Variants in ZCCHC14 observed in about 807,000 individuals in gnomAD.
ZCCHC14 encodes the protein zinc finger CCHC domain-containing protein 14.
A neutral mutation model predicts 85.0 loss-of-function variants in ZCCHC14; 16 were observed. That is an observed-to-expected ratio of 0.19 (90% CI 0.13 to 0.29). The LOEUF is 0.29. Ranked by LOEUF, ZCCHC14 falls within the 10% of genes least tolerant of loss-of-function variation. The pLI is 1.00. For missense variants in ZCCHC14, 1,303 were observed against 1,443.5 expected (o/e 0.90, Z 1.58); for synonymous variants, 775 against 630.7 (o/e 1.23, Z -3.43).
At chr16:87,456,137 C>G (rs1910947945) in intron 2 of ZCCHC14, among the ~76,000 whole-genome samples, 2 of 152,130 alleles carry the variant, frequency 1.3e-5, no homozygotes, top group Non-Finnish European at 2.9e-5. Flanking sequence ...AGATAAAGAA[C>G]CCATAAGGAA....
chr16:87,469,631 C>G (rs545848649), intron 1 of ZCCHC14, among the ~76,000 whole-genome samples: 1 of 152,332 alleles, frequency 6.6e-6, no homozygotes, highest in South Asian at 2.1e-4. Context: ...TGTTAGCATT[C>G]AAAATGTTAG....
intron 2 of ZCCHC14, among the ~76,000 whole-genome samples, chr16:87,455,284 G>GT (rs924746726): frequency 4.4e-4 from 67 of 151,120 alleles, no homozygotes; most frequent in African/African-American, 1.6e-3. Context: ...GTGAAACTCC[G>GT]TCCCCCCCCG....
intron 1 of ZCCHC14, chr16:87,472,206 C>G (rs1189538493): frequency 6.6e-6 from 1 of 152,194 alleles, no homozygotes; most frequent in East Asian, 1.9e-4. Context: ...GTCAGACCCT[C>G]GGGAGGGCCG....
At chr16:87,413,340 A>G in intron 10 of ZCCHC14, 145 bp from the exon 11 acceptor site, 1 of 1,214,714 alleles carries the variant, frequency 8.2e-7, no homozygotes, top group Non-Finnish European at 1.1e-6. Flanking sequence ...ACGCCGGCCC[A>G]GGCCGCACGG....
At chr16:87,486,695 T>C (rs1912527193) in intron 1 of ZCCHC14, among the ~76,000 whole-genome samples, 1 of 152,206 alleles carries the variant, frequency 6.6e-6, no homozygotes, top group South Asian at 2.1e-4. Context: ...ATCCACTATG[T>C]GTTAGAATAT....
chr16:87,418,978 C>T (rs8046992), intron 6 of ZCCHC14, 77 bp from the exon 7 acceptor site: 838,902 of 1,371,070 alleles, frequency 0.61, 268,302 homozygotes, highest in Non-Finnish European at 0.66. Flanking sequence ...TTTTTTGAGA[C>T]GGTGTTTTGC....
chr16:87,484,733 G>A (rs949224384), intron 1 of ZCCHC14, among the ~76,000 whole-genome samples: 6 of 152,182 alleles, frequency 3.9e-5, no homozygotes, highest in African/African-American at 1.2e-4. Flanking sequence ...TGGTAGAGAC[G>A]AGCGGTGTTA....
At chr16:87,413,259 GC>G in intron 10 of ZCCHC14, 64 bp from the exon 11 acceptor site, 1 of 1,455,476 alleles carries the variant, frequency 6.9e-7, no homozygotes, top group Non-Finnish European at 9.0e-7. Context: ...CCCGCCCCGT[GC>G]CCCTGCATCG....
At chr16:87,432,970 G>A (rs573778405) in intron 3 of ZCCHC14, among the ~76,000 whole-genome samples, 158 bp downstream of exon 3, 2 of 151,168 alleles carry the variant, frequency 1.3e-5, no homozygotes, top group South Asian at 2.1e-4. Flanking sequence ...CCCCACCCTG[G>A]AGACAGCCCA....
chr16:87,480,711 A>AT (rs1252541431), intron 1 of ZCCHC14, among the ~76,000 whole-genome samples: 1 of 152,200 alleles, frequency 6.6e-6, no homozygotes, highest in Non-Finnish European at 1.5e-5. Context: ...GGCTCTAGTG[A>AT]TTTAAAAAGT....
At chr16:87,440,261 T>C (rs1285625710) in intron 2 of ZCCHC14, among the ~76,000 whole-genome samples, 1 of 151,982 alleles carries the variant, frequency 6.6e-6, no homozygotes, top group Non-Finnish European at 1.5e-5. Flanking sequence ...ATCTCCTGAG[T>C]TCAAGCGATT....
chr16:87,441,105 G>A (rs1211803907), intron 2 of ZCCHC14, among the ~76,000 whole-genome samples: 1 of 150,918 alleles, frequency 6.6e-6, no homozygotes, highest in Non-Finnish European at 1.5e-5. Flanking sequence ...CCGGGTTCAC[G>A]CCTCAGCCTC....
chr16:87,421,778 G>A lies in ZCCHC14; in HGVS notation c.841-1062C>T, dbSNP rs115777207. On this transcript the variant is annotated intron_variant, in intron 4 of 12. Coordinates refer to ENST00000671377, the MANE Select transcript of ZCCHC14 (RefSeq NM_015144.3). ...AACAGAGGCAGCAAGAGAGCCCAGTGCCAGCTTCATCCTGCCCAGATGGCC... is the reference window on the plus strand; with the variant it reads ...AACAGAGGCAGCAAGAGAGCCCAGTACCAGCTTCATCCTGCCCAGATGGCC... 3.7e-3 allele frequency among the ~76,000 whole-genome samples: 564 copies of A among 152,266 alleles called. 2 individuals carry two copies. The highest frequency in any genetic ancestry group is 0.012 in the African/African-American group (513 of 41,554).
At chr16:87,467,096 T>C in intron 1 of ZCCHC14, 1 of 593,682 alleles carries the variant, frequency 1.7e-6, no homozygotes, top group Non-Finnish European at 3.0e-6. Context: ...TGTTGCCCCA[T>C]CTGACCTCTA....
At chr16:87,463,691 C>T (rs1911382243) in intron 1 of ZCCHC14, among the ~76,000 whole-genome samples, 3 of 152,226 alleles carry the variant, frequency 2.0e-5, no homozygotes, top group South Asian at 2.1e-4. Flanking sequence ...GGTGTGGTGG[C>T]GGGCACCTGT....
intron 1 of ZCCHC14, among the ~76,000 whole-genome samples, chr16:87,462,595 C>T (rs1419278868): frequency 1.3e-5 from 2 of 151,660 alleles, no homozygotes; most frequent in Admixed American, 6.6e-5. Flanking sequence ...AAAAAATTAG[C>T]CAGGCATGGT....
At chr16:87,485,942 C>T (rs939514244) in intron 1 of ZCCHC14, among the ~76,000 whole-genome samples, 9 of 152,178 alleles carry the variant, frequency 5.9e-5, no homozygotes, top group East Asian at 1.9e-4. Context: ...GTTATCTTCG[C>T]ACTTGAACAA....
Position 87,492,208 on chromosome 16 carries a change from C to G in ZCCHC14, c.31G>C (p.Asp11His). 1.0e-6 allele frequency: 1 copy of G among 984,770 alleles called. No individual in the cohort carries two copies. Among genetic ancestry groups the G allele is most frequent in the Non-Finnish European group, 1.2e-6 (1 of 829,750 alleles). 61.0% of individuals were successfully genotyped at this position (984,770 alleles called of 1,614,324 possible). A position where few individuals can be genotyped will look rare whatever the true frequency, so the allele number is the denominator to read the frequency against. Residue 11 changes from aspartate (D) to histidine (H), a missense_variant, in exon 1 of 13, where the codon GAC (aspartate) becomes CAC (histidine). This residue lies in a region of ZCCHC14 where 29 missense variants were observed against 76.8 expected (regional missense o/e 0.38). Transcript: ENST00000671377. The surrounding 1 kb of genome is among the most constrained non-coding windows in gnomAD (Gnocchi z 6.7). Reference protein sequence around the residue: MVEKRCPLQRDGVYRWFSELP... With the variant: MVEKRCPLQRHGVYRWFSELP... ...TCCGAGAACCAGCGGTACACGCCGT[C>G]CCTCTGCAGCGGGCAGCGCTTCTCC...
chr16:87,413,183 T>G lies in ZCCHC14; in HGVS notation c.1616A>C (p.Glu539Ala). 1 of 1,574,778 alleles carries G rather than the reference T, an allele frequency of 6.4e-7. No individual in the cohort carries two copies. The highest frequency in any genetic ancestry group is 1.2e-5 in the South Asian group (1 of 86,904). The change falls in exon 11 of 13, where the codon GAA becomes GCA. Residue 539 changes from glutamate to alanine, a missense_variant. Transcript: ENST00000671377. Reference sequence around the variant, plus strand: ...CAGCTGGTGATGGGGCTGCTCCACTTCCACCCGCAGCTCTGCAGAAAAGGG... The same window carrying G: ...CAGCTGGTGATGGGGCTGCTCCACTGCCACCCGCAGCTCTGCAGAAAAGGG... ...RGSHAAELRV[E>A]VEQPHHQLPR...
Sources: allele counts gnomAD v4.1 joint callset (sites outside exome capture counted in the v4.1 genomes callset), GRCh38; gene constraint gnomAD v4.1.1; regional missense constraint gnomAD v4.1.1; non-coding constraint Gnocchi (gnomAD v3.1); transcripts MANE v1.5; gene names NCBI Gene and HGNC (gene_info 2026-07-23, HGNC 2026-07-21).